LYRM4: variants seen among roughly 807,000 people sequenced by gnomAD.
LYRM4 encodes LYR motif-containing protein 4.
In LYRM4, 9 loss-of-function variants were observed where a neutral mutation model predicts 11.7. That is an observed-to-expected ratio of 0.77 (90% CI 0.46 to 1.34). The LOEUF is 1.34. Among genes scored for constraint, LYRM4 ranks in the 40% most tolerant of loss-of-function variants. The probability of loss-of-function intolerance (pLI) is 0.00; values close to 1 mark genes in which losing one functional copy is unlikely to be tolerated. For missense variants in LYRM4, 133 were observed against 112.5 expected, an observed-to-expected ratio of 1.18 and a Z score of -0.82; for synonymous variants, 42 against 40.4, an observed-to-expected ratio of 1.04 and a Z score of -0.15.
intron 1 of LYRM4, among the ~76,000 whole-genome samples, chr6:5,233,574 T>C (rs1190182965): frequency 6.6e-6 from 1 of 152,200 alleles, no homozygotes; most frequent in Admixed American, 6.5e-5. Context: ...TGGAGGCTGA[T>C]TCAAAGTACC....
chr6:5,241,866 ATCG>A (rs35504689), intron 1 of LYRM4, among the ~76,000 whole-genome samples: 43,859 of 151,924 alleles, frequency 0.29, 7,986 homozygotes, highest in African/African-American at 0.52. Context: ...ATGGTGATAC[ATCG>A]TGCCATTGGC....
chr6:5,235,786 T>C (rs1482730798), intron 1 of LYRM4, among the ~76,000 whole-genome samples: 1 of 152,070 alleles, frequency 6.6e-6, no homozygotes, highest in Non-Finnish European at 1.5e-5. Context: ...TCTGTTCTTT[T>C]ACCCCTGTGT....
At chr6:5,149,984 G>C (rs73717692) in intron 2 of LYRM4, among the ~76,000 whole-genome samples, 1 of 152,152 alleles carries the variant, frequency 6.6e-6, no homozygotes, top group Non-Finnish European at 1.5e-5. Flanking sequence ...AAGGGCAAAC[G>C]TCAAATGTTA....
Position 5,256,490 on chromosome 6 carries a change from GGAAAAAAAAAAAAAAAAAA to G in LYRM4, c.86+4139_86+4157del, listed in dbSNP as rs1412664497. On this transcript the variant is annotated intron_variant, in intron 1 of 2. Coordinates refer to ENST00000330636, the MANE Select transcript of LYRM4 (RefSeq NM_020408.6). Reference sequence around the variant, plus strand: ...GGGCAACAAGGGCAAGATTTCAACTGGAAAAAAAAAAAAAAAAAAAAAAAAAAAAAAAAAAAAAAAGAAT... The same window carrying G: ...GGGCAACAAGGGCAAGATTTCAACTGAAAAAAAAAAAAAAAAAAAAAGAAT... 1.3e-3 allele frequency among the ~76,000 whole-genome samples: 47 copies of G among 37,524 alleles called. 2 individuals carry two copies. In the South Asian group the frequency reaches 0.014, roughly 11 times the overall value. The allele number at this position is 37,524 out of a possible 152,430, so 24.6% of individuals were successfully genotyped here. A position where few individuals can be genotyped will look rare whatever the true frequency, so the allele number is the denominator to read the frequency against.
chr6:5,083,467 G>A, the LYRM4 span, among the ~76,000 whole-genome samples: 1 of 152,168 alleles, frequency 6.6e-6, no homozygotes, highest in African/African-American at 2.4e-5. Flanking sequence ...TCCAGCAAGG[G>A]GACCGGCAGG....
At chr6:5,052,492 C>G in the LYRM4 span, among the ~76,000 whole-genome samples, 1 of 152,062 alleles carries the variant, frequency 6.6e-6, no homozygotes, top group Non-Finnish European at 1.5e-5. Context: ...TAGCATCTCA[C>G]TATGTTGCCC....
intron 2 of LYRM4, among the ~76,000 whole-genome samples, chr6:5,148,050 T>A (rs1166435205): frequency 6.6e-6 from 1 of 151,984 alleles, no homozygotes; most frequent in Non-Finnish European, 1.5e-5. Flanking sequence ...CCTCCCCCAC[T>A]CTCCCTTCAC....
At chr6:5,107,965 C>G (rs775824629), downstream of LYRM4, 1 of 152,190 alleles carries the variant, frequency 6.6e-6, no homozygotes, top group Non-Finnish European at 1.5e-5. Context: ...AAGATCGCAC[C>G]GCTGCACTCC....
the LYRM4 span, chr6:5,065,921 C>T: frequency 1.4e-5 from 3 of 209,524 alleles, no homozygotes; most frequent in Middle Eastern, 2.0e-3. Flanking sequence ...TCCTTTTTTC[C>T]TATTTGCATC....
chr6:5,218,258 G>A (rs773766943), intron 1 of LYRM4: 224 of 985,086 alleles, frequency 2.3e-4, no homozygotes, highest in Non-Finnish European at 2.6e-4. Context: ...TTGGAGCACC[G>A]GTTAAAGAAT....
At chr6:5,090,791 G>A in the LYRM4 span, among the ~76,000 whole-genome samples, 1 of 152,114 alleles carries the variant, frequency 6.6e-6, no homozygotes, top group Non-Finnish European at 1.5e-5. This position sits in a 1 kb window ranked among gnomAD's most constrained non-coding sequence, Gnocchi z 4.8. Context: ...TTCTTCATAC[G>A]TCATTTCACA....
intron 1 of LYRM4, among the ~76,000 whole-genome samples, chr6:5,259,878 C>A (rs1272326997): frequency 6.6e-6 from 1 of 152,070 alleles, no homozygotes; most frequent in South Asian, 2.1e-4. Context: ...TCAGAACCAG[C>A]AACACTGTGA....
intron 1 of LYRM4, among the ~76,000 whole-genome samples, chr6:5,249,228 G>A (rs1342681464): frequency 1.3e-5 from 2 of 152,198 alleles, no homozygotes; most frequent in Admixed American, 6.5e-5. Context: ...CACACAGCGA[G>A]TAAATGATTT....
intron 2 of LYRM4, among the ~76,000 whole-genome samples, chr6:5,115,390 T>C (rs1436659941): frequency 1.3e-5 from 2 of 152,210 alleles, no homozygotes; most frequent in Non-Finnish European, 2.9e-5. Context: ...TCTCCCCATG[T>C]AGCTCCCTGT....
intron 2 of LYRM4, among the ~76,000 whole-genome samples, chr6:5,158,893 C>G (rs1758577825): frequency 6.6e-6 from 1 of 152,130 alleles, no homozygotes. Flanking sequence ...GGCAACATGC[C>G]TAGCAGTTTG....
chr6:5,182,012 A>C (rs1034361611), intron 2 of LYRM4, among the ~76,000 whole-genome samples: 4 of 152,284 alleles, frequency 2.6e-5, no homozygotes, highest in African/African-American at 9.6e-5. Context: ...AACCAAGCAA[A>C]AAAATACCTC....
chr6:5,228,928 C>G (rs1197281641), intron 1 of LYRM4, among the ~76,000 whole-genome samples: 1 of 144,634 alleles, frequency 6.9e-6, no homozygotes, highest in African/African-American at 2.6e-5. Context: ...GGCGTGAACC[C>G]GGGAGACAGA....
At chr6:5,034,105 T>C in the LYRM4 span, 1 of 152,288 alleles carries the variant, frequency 6.6e-6, no homozygotes, top group Non-Finnish European at 1.5e-5. Flanking sequence ...CTGTCTACTG[T>C]CTCTGAGTGC....
At chr6:5,260,598 T>TGCCCCGGGCCCGGGGCCCCCCCCCCCC in intron 1 of LYRM4, 50 bp downstream of exon 1, 1 of 1,105,570 alleles carries the variant, frequency 9.0e-7, no homozygotes, top group Non-Finnish European at 1.3e-6. Flanking sequence ...GCACCCCCGG[T>TGCCCCGGGCCCGGGGCCCCCCCCCCCC]CCCCGGCCCC....
Sources: allele counts gnomAD v4.1 joint callset (sites outside exome capture counted in the v4.1 genomes callset), GRCh38; gene constraint gnomAD v4.1.1; non-coding constraint Gnocchi (gnomAD v3.1); transcripts MANE v1.5; gene names NCBI Gene and HGNC (gene_info 2026-07-23, HGNC 2026-07-21).